RSPH3: variants seen among roughly 807,000 people sequenced by gnomAD.
RSPH3 encodes radial spoke head 3.
Under a neutral mutation model 43.8 loss-of-function variants are expected in RSPH3, and 21 were observed. That is an observed-to-expected ratio of 0.48 (90% CI 0.34 to 0.69). The LOEUF (loss-of-function observed/expected upper bound fraction) is 0.69, where lower values mean the gene tolerates loss of function less well. Ranked by LOEUF, RSPH3 falls within the 30% of genes least tolerant of loss-of-function variation. RSPH3 has a pLI of 0.01. For synonymous variants in RSPH3, 173 were observed against 179.8 expected, an observed-to-expected ratio of 0.96 and a Z score of 0.30; for missense variants, 487 against 516.0, an observed-to-expected ratio of 0.94 and a Z score of 0.54.
At chr6:158,987,463 G>A (rs565001857) in intron 2 of RSPH3, among the ~76,000 whole-genome samples, 196 of 152,216 alleles carry the variant, frequency 1.3e-3, no homozygotes, top group African/African-American at 4.6e-3. Flanking sequence ...CTTACATTCA[G>A]TGTTATTATT....
chr6:158,972,694 C>T (rs181527817), downstream of RSPH3, among the ~76,000 whole-genome samples: 18 of 152,298 alleles, frequency 1.2e-4, no homozygotes, highest in South Asian at 1.4e-3. Context: ...TTTGAATTCT[C>T]TTTTCAAAAA....
chr6:158,999,115 C>A (rs7773373), intron 1 of RSPH3, among the ~76,000 whole-genome samples: 37,746 of 152,128 alleles, frequency 0.25, 6,326 homozygotes, highest in African/African-American at 0.44. Context: ...GAATGCCCCC[C>A]GTAAGGTGCT....
chr6:158,984,456 A>G (rs947348747), intron 3 of RSPH3, among the ~76,000 whole-genome samples: 1 of 132,764 alleles, frequency 7.5e-6, no homozygotes, highest in African/African-American at 2.9e-5. Context: ...ATATATATAT[A>G]TATATATATA....
intron 3 of RSPH3, 58 bp from the exon 4 acceptor site, chr6:158,983,865 A>C: frequency 8.1e-7 from 1 of 1,232,902 alleles, no homozygotes; most frequent in Non-Finnish European, 1.2e-6. Flanking sequence ...CAGGCATGGT[A>C]GTTCATGCCC....
chr6:158,992,457 GTTTT>G (rs35383020), intron 2 of RSPH3, among the ~76,000 whole-genome samples: 40 of 127,900 alleles, frequency 3.1e-4, no homozygotes, highest in Admixed American at 7.1e-4. Flanking sequence ...TTTTTGTGGG[GTTTT>G]TTTTTTTTTT....
At chr6:158,978,511 C>T (rs888376957) in intron 6 of RSPH3, among the ~76,000 whole-genome samples, 165 bp from the exon 7 acceptor site, 1 of 151,992 alleles carries the variant, frequency 6.6e-6, no homozygotes, top group African/African-American at 2.4e-5. Context: ...GGTCAGTTTC[C>T]TTTCTGTTGC....
At chr6:158,983,366 T>C (rs762469122) in intron 4 of RSPH3, among the ~76,000 whole-genome samples, 2 of 152,200 alleles carry the variant, frequency 1.3e-5, no homozygotes, top group Non-Finnish European at 2.9e-5. Flanking sequence ...TTAGTACAAA[T>C]CTATCTTATA....
At chr6:158,968,313 C>T (rs574640693), downstream of RSPH3, among the ~76,000 whole-genome samples, 7 of 152,282 alleles carry the variant, frequency 4.6e-5, no homozygotes, top group South Asian at 1.4e-3. Flanking sequence ...CAGCTCACTG[C>T]AACCTCCACC....
At chr6:158,991,041 A>C (rs1778388930) in intron 2 of RSPH3, among the ~76,000 whole-genome samples, 1 of 151,838 alleles carries the variant, frequency 6.6e-6, no homozygotes, top group African/African-American at 2.4e-5. Flanking sequence ...TGTATTTTTC[A>C]GTTCTATAAG....
intron 2 of RSPH3, among the ~76,000 whole-genome samples, chr6:158,991,677 G>A (rs1778413021): frequency 6.6e-6 from 1 of 152,164 alleles, no homozygotes; most frequent in South Asian, 2.1e-4. Flanking sequence ...ATTGGTACTG[G>A]GTGAAGGTGA....
rs1215105832 is a variant in RSPH3 at position 158,973,119 on chromosome 6, G to A, written c.*4419C>T. ...CAGATGCTAATTAGTTAGTGGGGAAGTGAAGCTCATGTTTAGGCCTTTTCA... is the reference window on the plus strand; with the variant it reads ...CAGATGCTAATTAGTTAGTGGGGAAATGAAGCTCATGTTTAGGCCTTTTCA... On this transcript the variant is annotated 3_prime_UTR_variant, in exon 8 of 8. Coordinates refer to ENST00000367069, the MANE Select transcript of RSPH3 (RefSeq NM_031924.8). 1 of 152,226 alleles carries A rather than the reference G, an allele frequency of 6.6e-6. No homozygotes were observed. The highest frequency in any genetic ancestry group is 2.4e-5 in the African/African-American group (1 of 41,444). 9.4% of individuals were successfully genotyped at this position (152,226 alleles called of 1,614,324 possible). A position where few individuals can be genotyped will look rare whatever the true frequency, so the allele number is the denominator to read the frequency against.
chr6:158,984,297 C>A (rs1053234757), intron 3 of RSPH3, among the ~76,000 whole-genome samples: 1 of 150,684 alleles, frequency 6.6e-6, no homozygotes, highest in Non-Finnish European at 1.5e-5. Context: ...TTTGGAAGAC[C>A]ATAGATAGAG....
rs1778235083 is a variant in RSPH3 at position 158,986,266 on chromosome 6, G to A, written c.346+14C>T. On this transcript the variant is annotated intron_variant, in intron 3 of 7. Transcript: ENST00000367069. ...AAACCAAGAGGACACAATGCCAAGGGCACAGTCACACACCTGTTTGCACAT... is the reference window on the plus strand; with the variant it reads ...AAACCAAGAGGACACAATGCCAAGGACACAGTCACACACCTGTTTGCACAT... 1 of 1,610,966 alleles carries A rather than the reference G, an allele frequency of 6.2e-7. No individual in the cohort carries two copies. Among genetic ancestry groups the A allele is most frequent in the Non-Finnish European group, 8.5e-7 (1 of 1,178,772 alleles).
At chr6:158,970,508 T>C (rs1409342688), downstream of RSPH3, among the ~76,000 whole-genome samples, 1 of 152,158 alleles carries the variant, frequency 6.6e-6, no homozygotes, top group Non-Finnish European at 1.5e-5. Context: ...CCTACACATG[T>C]ACCCTATATG....
chr6:158,999,520 G>C lies in RSPH3; in HGVS notation c.31C>G (p.Arg11Gly). 1 of 1,555,676 alleles carries C rather than the reference G, an allele frequency of 6.4e-7. No homozygotes were observed. The highest frequency in any genetic ancestry group is 8.7e-7 in the Non-Finnish European group (1 of 1,144,620). Residue 11 changes from arginine to glycine, a missense_variant, in exon 1 of 8, where the codon CGG becomes GGG. Arg to Gly is a moderately radical substitution (Grantham distance 125). Transcript: ENST00000367069. ...GTGTAGGTGTAGGTGCTCGGGGCCC[G>C]AGAGGTGCGATCAGTCAGCGCTGAG... is the stretch of plus-strand genomic sequence containing the variant. MASALTDRTS[R>G]APSTYTYTSR...
chr6:159,000,098 G>C lies in RSPH3; in HGVS notation c.-548C>G, dbSNP rs1583738895. 12 of 1,070,188 alleles carry C rather than the reference G, an allele frequency of 1.1e-5. No individual in the cohort carries two copies. The East Asian group carries it at 1.1e-4, about 10-fold the overall frequency. 66.3% of individuals were successfully genotyped at this position (1,070,188 alleles called of 1,614,324 possible). ...GCTCCTGCTCTTCCAGGGTGTCCTC[G>C]GCTGTTTCTCCTGCCGCGGCGCAGC... On this transcript the variant is annotated 5_prime_UTR_variant, in exon 1 of 8. Transcript: ENST00000367069.
intron 2 of RSPH3, among the ~76,000 whole-genome samples, chr6:158,991,982 T>TTCAGTACTTTA (rs1480784602): frequency 6.6e-6 from 1 of 152,060 alleles, no homozygotes; most frequent in Non-Finnish European, 1.5e-5. Flanking sequence ...ATATGAGATA[T>TTCAGTACTTTA]TCAGTACTTT....
At position 158,999,780 on chromosome 6, in the gene RSPH3, T is replaced by G; in HGVS notation, c.-230A>C. 1.2e-6 allele frequency: 2 copies of G among 1,611,456 alleles called. No individual in the cohort carries two copies. Among genetic ancestry groups the G allele is most frequent in the Non-Finnish European group, 1.7e-6 (2 of 1,178,338 alleles). ...ACAGAGACCAGCTGCGGGGGCCGCA[T>G]CGGTTGCCCAGCAACCCAGGGTTCT... On this transcript the variant is annotated 5_prime_UTR_variant, in exon 1 of 8. The change abolishes an upstream ATG in the 5' untranslated region. Transcript: ENST00000367069.
chr6:158,987,768 C>T (rs890844511), intron 2 of RSPH3, among the ~76,000 whole-genome samples: 1 of 152,178 alleles, frequency 6.6e-6, no homozygotes, highest in Non-Finnish European at 1.5e-5. Flanking sequence ...ACTCCATCCC[C>T]CCACATACTA....
Sources: gnomAD v4.1 joint callset for allele counts (sites outside exome capture counted in the v4.1 genomes callset) on GRCh38, gnomAD v4.1.1 for gene constraint, MANE v1.5 for transcripts, NCBI Gene and HGNC (gene_info 2026-07-23, HGNC 2026-07-21) for gene names.